Variants in SLC25A21 observed in about 807,000 individuals in gnomAD.
SLC25A21 encodes the protein solute carrier family 25 member 21, also known as mitochondrial 2-oxodicarboxylate carrier.
SLC25A21 carries 47 observed loss-of-function variants against 43.8 expected under a neutral mutation model. That is an observed-to-expected ratio of 1.07 (90% CI 0.85 to 1.37). The LOEUF is 1.37. Ranked by LOEUF, SLC25A21 falls within the 40% of genes most tolerant of loss-of-function variation. The pLI, the probability that SLC25A21 is intolerant of heterozygous loss-of-function variation, is 0.00. For missense variants in SLC25A21, 352 were observed against 350.2 expected (o/e 1.00, Z -0.04); for synonymous variants, 131 against 121.3 (o/e 1.08, Z -0.52).
intron 3 of SLC25A21, among the ~76,000 whole-genome samples, chr14:36,800,964 C>T (rs1468040637): frequency 6.6e-6 from 1 of 152,096 alleles, no homozygotes; most frequent in African/African-American, 2.4e-5. Context: ...ATTTTTTTCT[C>T]AGCAAGCAAA....
At chr14:36,893,408 A>T (rs1891140948) in intron 1 of SLC25A21, among the ~76,000 whole-genome samples, 1 of 151,784 alleles carries the variant, frequency 6.6e-6, no homozygotes, top group South Asian at 2.1e-4. Context: ...TTTTCTTGTA[A>T]ATTTGTTTGA....
intron 2 of SLC25A21, among the ~76,000 whole-genome samples, chr14:36,854,379 G>A (rs1159427018): frequency 1.3e-5 from 2 of 152,198 alleles, no homozygotes; most frequent in African/African-American, 4.8e-5. Context: ...TCCCCAGATG[G>A]AGCTAGGTGA....
chr14:36,781,483 G>T (rs1174633877), intron 3 of SLC25A21, among the ~76,000 whole-genome samples: 1 of 151,726 alleles, frequency 6.6e-6, no homozygotes, highest in Non-Finnish European at 1.5e-5. Context: ...TTTCTCTTTT[G>T]TTTATCTACT....
At chr14:36,901,211 T>C (rs1891389395) in intron 1 of SLC25A21, among the ~76,000 whole-genome samples, 1 of 152,190 alleles carries the variant, frequency 6.6e-6, no homozygotes, top group Non-Finnish European at 1.5e-5. Flanking sequence ...CTTTGATGAG[T>C]TGAAGATATA....
intron 3 of SLC25A21, among the ~76,000 whole-genome samples, chr14:36,803,701 C>T (rs928681223): frequency 6.6e-6 from 1 of 152,094 alleles, no homozygotes; most frequent in Non-Finnish European, 1.5e-5. Context: ...GCAGGAAAAC[C>T]AAGCCACTGT....
At chr14:36,717,998 T>C (rs1228427514) in intron 6 of SLC25A21, among the ~76,000 whole-genome samples, 1 of 152,140 alleles carries the variant, frequency 6.6e-6, no homozygotes, top group Non-Finnish European at 1.5e-5. Flanking sequence ...TAGCTCTGTC[T>C]TACTTGATTT....
At chr14:36,761,805 T>C (rs760618658) in intron 3 of SLC25A21, among the ~76,000 whole-genome samples, 1 of 152,214 alleles carries the variant, frequency 6.6e-6, no homozygotes, top group Non-Finnish European at 1.5e-5. Flanking sequence ...GTATAACAGA[T>C]TGGCTAATTT....
At chr14:36,964,916 A>G (rs1478101514) in intron 1 of SLC25A21, among the ~76,000 whole-genome samples, 1 of 152,072 alleles carries the variant, frequency 6.6e-6, no homozygotes, top group Non-Finnish European at 1.5e-5. Context: ...TTATTAATTT[A>G]GTTTTTTTTC....
Position 37,050,270 on chromosome 14 carries a change from G to A in SLC25A21, c.70+122011C>T, listed in dbSNP as rs180707237. On this transcript the variant is annotated intron_variant, in intron 1 of 9. Coordinates refer to ENST00000331299, the MANE Select transcript of SLC25A21 (RefSeq NM_030631.4). ...AAACACACACACATATTTGTGTTGT[G>A]TTTGTGTACTCCATACATGGCATTT... Among the ~76,000 whole-genome samples, 126 of 152,304 alleles carry A rather than the reference G, an allele frequency of 8.3e-4. 1 individual carries two copies. Among genetic ancestry groups the A allele is most frequent in the Non-Finnish European group, 1.1e-3 (76 of 68,022 alleles).
intron 1 of SLC25A21, among the ~76,000 whole-genome samples, chr14:36,927,890 T>C (rs373662954): frequency 6.6e-6 from 1 of 152,252 alleles, no homozygotes; most frequent in East Asian, 1.9e-4. Context: ...TAACAGAGCA[T>C]GAGCAACTAC....
At chr14:36,714,231 G>A (rs1017133427) in intron 6 of SLC25A21, among the ~76,000 whole-genome samples, 3 of 152,314 alleles carry the variant, frequency 2.0e-5, no homozygotes, top group Admixed American at 2.0e-4. Flanking sequence ...GCAACCAAAA[G>A]CTGGAATCTG....
intron 1 of SLC25A21, among the ~76,000 whole-genome samples, chr14:36,922,055 C>T (rs1220190375): frequency 6.6e-6 from 1 of 151,404 alleles, no homozygotes; most frequent in Non-Finnish European, 1.5e-5. Flanking sequence ...AGGAGAATCG[C>T]TTGAACTCAG....
chr14:36,868,153 A>C, intron 2 of SLC25A21, among the ~76,000 whole-genome samples: 1 of 152,046 alleles, frequency 6.6e-6, no homozygotes, highest in East Asian at 1.9e-4. Context: ...ATTAAAGATT[A>C]TTTTATTTGA....
chr14:37,070,316 T>C (rs1175137964), intron 1 of SLC25A21, among the ~76,000 whole-genome samples: 1 of 152,216 alleles, frequency 6.6e-6, no homozygotes, highest in African/African-American at 2.4e-5. Context: ...TGAGCTTATC[T>C]AAACTTTTAG....
At chr14:36,832,697 G>A (rs1028172609) in intron 2 of SLC25A21, among the ~76,000 whole-genome samples, 1 of 152,108 alleles carries the variant, frequency 6.6e-6, no homozygotes, top group Non-Finnish European at 1.5e-5. Flanking sequence ...AATCTACTTT[G>A]CAACAAAATT....
At chr14:37,009,772 T>A (rs139396669) in intron 1 of SLC25A21, among the ~76,000 whole-genome samples, 5 of 152,180 alleles carry the variant, frequency 3.3e-5, no homozygotes, top group African/African-American at 1.2e-4. Flanking sequence ...CATCATCTAG[T>A]GGTCCAACTA....
intron 2 of SLC25A21, among the ~76,000 whole-genome samples, chr14:36,839,999 G>A (rs1274069593): frequency 2.0e-5 from 3 of 152,134 alleles, no homozygotes; most frequent in Non-Finnish European, 4.4e-5. Context: ...GCTCACTTCT[G>A]GGAGGTGGTC....
At chr14:36,822,442 C>T (rs1435908022) in intron 2 of SLC25A21, among the ~76,000 whole-genome samples, 1 of 152,176 alleles carries the variant, frequency 6.6e-6, no homozygotes, top group Non-Finnish European at 1.5e-5. Context: ...TGTTCTTTGA[C>T]TGGTTAAAAT....
intron 7 of SLC25A21, among the ~76,000 whole-genome samples, chr14:36,696,124 T>C (rs1430426508): frequency 6.6e-6 from 1 of 152,238 alleles, no homozygotes; most frequent in Non-Finnish European, 1.5e-5. Context: ...TGAAGGGCTG[T>C]TGAATTCTGT....
Sources: gnomAD v4.1 joint callset for allele counts (sites outside exome capture counted in the v4.1 genomes callset) on GRCh38, gnomAD v4.1.1 for gene constraint, MANE v1.5 for transcripts, NCBI Gene and HGNC (gene_info 2026-07-23, HGNC 2026-07-21) for gene names.